Variants in CNTN5 observed in about 807,000 individuals in gnomAD.
The protein encoded by CNTN5 is contactin-5.
CNTN5 carries 77 observed loss-of-function variants against 129.1 expected under a neutral mutation model. That is an observed-to-expected ratio of 0.60 (90% CI 0.50 to 0.72). CNTN5 has a LOEUF of 0.72. CNTN5 is among the 30% of genes least tolerant of loss of function. The probability of loss-of-function intolerance (pLI) is 0.00; values close to 1 mark genes in which losing one functional copy is unlikely to be tolerated. For missense variants in CNTN5, 1,478 were observed against 1,328.8 expected (o/e 1.11, Z -1.75); for synonymous variants, 509 against 465.6 (o/e 1.09, Z -1.20).
At chr11:99,526,960 AG>A (rs34797715) in intron 2 of CNTN5, among the ~76,000 whole-genome samples, 35,545 of 152,112 alleles carry the variant, frequency 0.23, 4,771 homozygotes, top group Non-Finnish European at 0.31. Context: ...TTGAACAAAC[AG>A]GTTGTGCATT....
chr11:99,898,899 G>A (rs1380218465), intron 6 of CNTN5, among the ~76,000 whole-genome samples: 8 of 151,824 alleles, frequency 5.3e-5, no homozygotes, highest in Admixed American at 5.2e-4. Flanking sequence ...AGAATTTCAA[G>A]ATCAACGTAA....
chr11:99,217,437 G>A (rs76653280), intron 1 of CNTN5, among the ~76,000 whole-genome samples: 5,706 of 152,216 alleles, frequency 0.037, 274 homozygotes, highest in African/African-American at 0.11. Context: ...GAATGAATAC[G>A]AGCAAGGGTG....
chr11:100,253,756 T>C (rs564106912), intron 16 of CNTN5, among the ~76,000 whole-genome samples: 2 of 152,262 alleles, frequency 1.3e-5, no homozygotes, highest in Admixed American at 6.5e-5. Context: ...AACATTGATA[T>C]TGGGTGATGC....
intron 1 of CNTN5, among the ~76,000 whole-genome samples, chr11:99,051,216 ATCT>A (rs2135175327): frequency 6.6e-6 from 1 of 151,936 alleles, no homozygotes; most frequent in East Asian, 1.9e-4. Flanking sequence ...TATAAGGTGG[ATCT>A]TCTTTTTATA....
intron 13 of CNTN5, among the ~76,000 whole-genome samples, chr11:100,122,867 C>T (rs1458571572): frequency 6.6e-6 from 1 of 151,978 alleles, no homozygotes; most frequent in Admixed American, 6.6e-5. Context: ...ACTCTCCCTA[C>T]TGTGGGAAGA....
chr11:99,990,219 C>T (rs756600282), intron 8 of CNTN5, among the ~76,000 whole-genome samples: 2 of 152,058 alleles, frequency 1.3e-5, no homozygotes, highest in Non-Finnish European at 2.9e-5. Flanking sequence ...GAATATATTT[C>T]TCTAAATCAT....
intron 1 of CNTN5, among the ~76,000 whole-genome samples, chr11:99,298,323 C>T (rs1864474467): frequency 6.6e-6 from 1 of 152,134 alleles, no homozygotes; most frequent in Non-Finnish European, 1.5e-5. Flanking sequence ...GGTAAAATGA[C>T]ATACAGGAAT....
intron 1 of CNTN5, among the ~76,000 whole-genome samples, chr11:99,245,600 C>T (rs117566785): frequency 0.066 from 10,045 of 152,200 alleles, 451 homozygotes; most frequent in Middle Eastern, 0.11. Flanking sequence ...AAATTACAGG[C>T]GTGAGCCACA....
intron 3 of CNTN5, among the ~76,000 whole-genome samples, chr11:99,731,021 T>C (rs557520916): frequency 9.2e-5 from 14 of 152,256 alleles, no homozygotes; most frequent in African/African-American, 3.1e-4. Flanking sequence ...GTAGCTCCCA[T>C]ATATGAGTAG....
chr11:99,648,927 G>A (rs898532237), intron 3 of CNTN5, among the ~76,000 whole-genome samples: 3 of 151,654 alleles, frequency 2.0e-5, no homozygotes, highest in Non-Finnish European at 4.4e-5. Context: ...GAGGGGGATA[G>A]GGAGAAATTT....
intron 2 of CNTN5, among the ~76,000 whole-genome samples, chr11:99,526,306 C>G (rs1947482651): frequency 6.6e-6 from 1 of 152,168 alleles, no homozygotes; most frequent in African/African-American, 2.4e-5. Context: ...GTGTGGGGAA[C>G]AAGACCTACC....
At chr11:100,130,906 C>T (rs182122173) in intron 13 of CNTN5, among the ~76,000 whole-genome samples, 5 of 152,090 alleles carry the variant, frequency 3.3e-5, no homozygotes, top group Admixed American at 3.3e-4. Flanking sequence ...TATATTCCAT[C>T]TCCCATAAAA....
At chr11:99,167,855 C>G (rs886994754) in intron 1 of CNTN5, among the ~76,000 whole-genome samples, 1 of 151,924 alleles carries the variant, frequency 6.6e-6, no homozygotes, top group Non-Finnish European at 1.5e-5. Flanking sequence ...TGAATATCAA[C>G]AGCTATATGT....
At chr11:99,465,859 G>A (rs1214947608) in intron 2 of CNTN5, among the ~76,000 whole-genome samples, 2 of 145,174 alleles carry the variant, frequency 1.4e-5, no homozygotes, top group Non-Finnish European at 3.0e-5. Context: ...GAGAGAAGGG[G>A]AAGGTGCCAC....
At chr11:99,917,131 A>G (rs762935485) in intron 7 of CNTN5, among the ~76,000 whole-genome samples, 5 of 152,094 alleles carry the variant, frequency 3.3e-5, no homozygotes, top group Non-Finnish European at 5.9e-5. Flanking sequence ...AATCGAAAGT[A>G]TGCTGCATAT....
At chr11:99,156,693 C>T (rs906087701) in intron 1 of CNTN5, among the ~76,000 whole-genome samples, 1 of 151,822 alleles carries the variant, frequency 6.6e-6, no homozygotes, top group Non-Finnish European at 1.5e-5. Context: ...TTTTCATCAT[C>T]CTGGCCTATC....
chr11:100,239,691 C>T (rs1353723390), intron 16 of CNTN5, among the ~76,000 whole-genome samples: 1 of 151,846 alleles, frequency 6.6e-6, no homozygotes. Context: ...ACAATAAAAC[C>T]GAATAGTGTG....
chr11:99,945,492 G>GTGTGTT (rs1162977036), intron 7 of CNTN5, among the ~76,000 whole-genome samples: 12 of 88,632 alleles, frequency 1.4e-4, no homozygotes, highest in Non-Finnish European at 2.3e-4. Context: ...CTCTGTGCGT[G>GTGTGTT]TGTGTGTGTG....
intron 10 of CNTN5, among the ~76,000 whole-genome samples, chr11:100,069,904 G>T (rs1233063708): frequency 6.6e-6 from 1 of 151,618 alleles, no homozygotes. Flanking sequence ...TAACAATTTT[G>T]CACAAATAAA....
Sources: gnomAD v4.1 joint callset for allele counts (sites outside exome capture counted in the v4.1 genomes callset) on GRCh38, gnomAD v4.1.1 for gene constraint, MANE v1.5 for transcripts, NCBI Gene and HGNC (gene_info 2026-07-23, HGNC 2026-07-21) for gene names.